The following USP47 variants were observed in gnomAD, a reference collection of about 807,000 sequenced individuals.
The protein encoded by USP47 is ubiquitin specific peptidase 47.
Under a neutral mutation model 165.1 loss-of-function variants are expected in USP47, and 35 were observed. That is an observed-to-expected ratio of 0.21 (90% CI 0.16 to 0.28). The LOEUF (loss-of-function observed/expected upper bound fraction) is 0.28. USP47 is among the 10% of genes least tolerant of loss of function. The pLI, the probability that USP47 is intolerant of heterozygous loss-of-function variation, is 1.00. For missense variants in USP47, 1,277 were observed against 1,607.4 expected (o/e 0.79, Z 3.52); for synonymous variants, 531 against 544.5 (o/e 0.98, Z 0.35).
intron 25 of USP47, 79 bp from the exon 26 acceptor site, chr11:11,954,818 T>A: frequency 2.0e-6 from 3 of 1,487,944 alleles, no homozygotes; most frequent in Non-Finnish European, 2.8e-6. Flanking sequence ...CTATTTCTGT[T>A]TGTGGGGTAA....
chr11:11,875,690 A>G (rs975437100), intron 1 of USP47, among the ~76,000 whole-genome samples: 8 of 151,824 alleles, frequency 5.3e-5, no homozygotes, highest in East Asian at 1.9e-4. Context: ...TGCAAACTCT[A>G]CCTCCCAGGT....
intron 4 of USP47, among the ~76,000 whole-genome samples, chr11:11,892,818 TAAA>T (rs778720093): frequency 6.2e-5 from 5 of 80,158 alleles, no homozygotes; most frequent in South Asian, 3.9e-4. Flanking sequence ...CTGTCTCAAG[TAAA>T]AAAAAAAAAA....
chr11:11,949,727 C>G (rs79886233), intron 22 of USP47, among the ~76,000 whole-genome samples, 162 bp from the exon 23 acceptor site: 2,546 of 152,250 alleles, frequency 0.017, 32 homozygotes, highest in Middle Eastern at 0.034. Flanking sequence ...GATAGCTGAG[C>G]TCATAAATAG....
intron 1 of USP47, among the ~76,000 whole-genome samples, chr11:11,872,373 C>T (rs960828343): frequency 1.3e-5 from 2 of 152,180 alleles, no homozygotes; most frequent in Non-Finnish European, 2.9e-5. Context: ...CTGTGTATTA[C>T]AGGGAGTCAC....
intron 1 of USP47, among the ~76,000 whole-genome samples, chr11:11,879,786 T>C (rs1237821071): frequency 6.6e-6 from 1 of 152,078 alleles, no homozygotes; most frequent in African/African-American, 2.4e-5. Context: ...CCCAGAAATA[T>C]TTGATTTGAC....
At chr11:11,843,507 A>T (rs1848260545) in intron 1 of USP47, among the ~76,000 whole-genome samples, 1 of 152,240 alleles carries the variant, frequency 6.6e-6, no homozygotes, top group Non-Finnish European at 1.5e-5. Flanking sequence ...GTTGAACTCC[A>T]ATTAGGGACT....
At chr11:11,883,158 AC>A (rs1850939086) in intron 2 of USP47, among the ~76,000 whole-genome samples, 1 of 152,056 alleles carries the variant, frequency 6.6e-6, no homozygotes, top group Non-Finnish European at 1.5e-5. Flanking sequence ...ACTTTAAGGA[AC>A]CCAGCAATCC....
At chr11:11,926,482 C>G (rs769502370) in intron 11 of USP47, among the ~76,000 whole-genome samples, 1 of 152,000 alleles carries the variant, frequency 6.6e-6, no homozygotes, top group Non-Finnish European at 1.5e-5. Context: ...ATTTTTCAGT[C>G]TCTTATGATC....
In USP47 at chr11:11,949,454, A is replaced by G. The variant is rs534815502; in HGVS notation, c.3349-435A>G. ...TATTTCTCTTAATGTGACCCATTACAGTCATTTTGATTTACATATTTAATC... is the reference window on the plus strand; with the variant it reads ...TATTTCTCTTAATGTGACCCATTACGGTCATTTTGATTTACATATTTAATC... On this transcript the variant is annotated intron_variant, in intron 22 of 27. Transcript: ENST00000527733. Among the ~76,000 whole-genome samples the G allele has an allele frequency of 7.8e-4, 119 of 152,278 alleles. 1 individual carries two copies. The highest frequency in any genetic ancestry group is 2.7e-3 in the African/African-American group (114 of 41,562).
At chr11:11,910,094 A>G (rs755820125) in intron 8 of USP47, among the ~76,000 whole-genome samples, 108 of 152,318 alleles carry the variant, frequency 7.1e-4, no homozygotes, top group Non-Finnish European at 1.3e-3. Context: ...AACAAGTTTA[A>G]AAAGTGGGGA....
rs1401406504 is a variant in USP47 at position 11,958,247 on chromosome 11, GC to G, written c.*2074del. On this transcript the variant is annotated 3_prime_UTR_variant, in exon 28 of 28. Coordinates refer to ENST00000527733, the MANE Select transcript of USP47 (RefSeq NM_001282659.2). Reference sequence around the variant, plus strand: ...TTCTGATACCCACTCTTTAGACTGTGCCTTCTGCTCTGTTCTTTGTTTTATG... The same window carrying G: ...TTCTGATACCCACTCTTTAGACTGTGCTTCTGCTCTGTTCTTTGTTTTATG... The G allele has an allele frequency of 2.0e-5, 3 of 152,190 alleles. No homozygotes were observed. Among genetic ancestry groups the G allele is most frequent in the Non-Finnish European group, 4.4e-5 (3 of 68,032 alleles). 9.4% of individuals were successfully genotyped at this position (152,190 alleles called of 1,614,324 possible). A position where few individuals can be genotyped will look rare whatever the true frequency, so the allele number is the denominator to read the frequency against.
chr11:11,918,100 C>T (rs1853562717), intron 8 of USP47, among the ~76,000 whole-genome samples: 1 of 152,082 alleles, frequency 6.6e-6, no homozygotes, highest in Admixed American at 6.6e-5. Flanking sequence ...AAGCTAATAT[C>T]ACCAAAGAGA....
At chr11:11,945,322 A>G (rs930251210) in intron 20 of USP47, among the ~76,000 whole-genome samples, 20 of 152,216 alleles carry the variant, frequency 1.3e-4, no homozygotes, top group Admixed American at 6.5e-5. Context: ...GTAGTAATAC[A>G]CATTCTTCAG....
chr11:11,897,574 A>G (rs1380044604), intron 4 of USP47, 23 bp from the exon 5 acceptor site: 2 of 1,498,040 alleles, frequency 1.3e-6, no homozygotes, highest in East Asian at 2.3e-5. Flanking sequence ...TGATTAATGT[A>G]CATTTGTATT....
At position 11,960,302 on chromosome 11, in the gene USP47, T is replaced by G. The variant is rs981169638; in HGVS notation, c.*4127T>G. Among the ~76,000 whole-genome samples the G allele has an allele frequency of 6.6e-6, 1 of 152,056 alleles. No individual in the cohort carries two copies. Among genetic ancestry groups the G allele is most frequent in the Non-Finnish European group, 1.5e-5 (1 of 68,012 alleles). ...TTCTTAGCAATGAGGCTGGTAAGGTTACTGTCCCCTTGTGCCTGGTCACTA... is the reference window on the plus strand; with the variant it reads ...TTCTTAGCAATGAGGCTGGTAAGGTGACTGTCCCCTTGTGCCTGGTCACTA... On this transcript the variant is annotated 3_prime_UTR_variant, in exon 28 of 28. Coordinates refer to ENST00000527733, the MANE Select transcript of USP47 (RefSeq NM_001282659.2).
At chr11:11,932,464 G>C (rs1268872924) in intron 14 of USP47, among the ~76,000 whole-genome samples, 1 of 152,136 alleles carries the variant, frequency 6.6e-6, no homozygotes, top group Non-Finnish European at 1.5e-5. Context: ...TCTTTGGTTA[G>C]GAAGCAGCTA....
chr11:11,929,145 A>G (rs937973670), intron 11 of USP47, among the ~76,000 whole-genome samples: 4 of 152,036 alleles, frequency 2.6e-5, no homozygotes, highest in Admixed American at 6.6e-5. Flanking sequence ...ATTTTAGACT[A>G]TTATTTAATT....
chr11:11,939,360 G>A (rs1480658195), intron 18 of USP47, among the ~76,000 whole-genome samples: 1 of 151,888 alleles, frequency 6.6e-6, no homozygotes, highest in Non-Finnish European at 1.5e-5. Context: ...ATCTGGGGTT[G>A]TAAATACCTG....
At chr11:11,880,926 TTTAACTC>T (rs1226605168) in intron 2 of USP47, among the ~76,000 whole-genome samples, 7 of 152,172 alleles carry the variant, frequency 4.6e-5, no homozygotes, top group Non-Finnish European at 8.8e-5. Flanking sequence ...GCTTTTGACT[TTTAACTC>T]TTAAGCTTAA....
Sources: allele counts gnomAD v4.1 joint callset (sites outside exome capture counted in the v4.1 genomes callset), GRCh38; gene constraint gnomAD v4.1.1; transcripts MANE v1.5; gene names NCBI Gene and HGNC (gene_info 2026-07-23, HGNC 2026-07-21).